Variants in ZNF709 observed in about 807,000 individuals in gnomAD.
ZNF709 encodes zinc finger protein 709.
A neutral mutation model predicts 10.6 loss-of-function variants in ZNF709; 15 were observed. The observed-to-expected ratio is 1.41, with a 90% CI of 0.95 to 2.18. The LOEUF (loss-of-function observed/expected upper bound fraction) is 2.18. Among genes scored for constraint, ZNF709 ranks in the 30% most tolerant of loss-of-function variants. The pLI is 0.00. For synonymous variants in ZNF709, 194 were observed against 238.8 expected, an observed-to-expected ratio of 0.81 and a Z score of 1.73; for missense variants, 589 against 774.0, an observed-to-expected ratio of 0.76 and a Z score of 2.84.
rs776489888 is a variant in ZNF709, at chr19:12,464,857, C to T, written c.1065G>A (p.Met355Ile). 1.9e-6 allele frequency: 3 copies of T among 1,613,850 alleles called. No homozygotes were observed. The highest frequency in any genetic ancestry group is 2.5e-6 in the Non-Finnish European group (3 of 1,179,934). The change falls in exon 4 of 4, where the codon ATG (methionine) becomes ATA (isoleucine). Residue 355 changes from methionine (M) to isoleucine (I), a missense_variant. This residue lies in a region of ZNF709 where 418 missense variants were observed against 496.3 expected (regional missense o/e 0.84). Coordinates refer to ENST00000397732, the MANE Select transcript of ZNF709 (RefSeq NM_152601.4). Reference sequence around the variant, plus strand: ...AAGGTCCATTTCCAGTGTGCATTATCATATGTCTTCGATAGCTTGGAAGAG... The same window carrying T: ...AAGGTCCATTTCCAGTGTGCATTATTATATGTCTTCGATAGCTTGGAAGAG... Reference protein sequence around the residue: ...FISLPSYRRHMIMHTGNGPYK... With the variant: ...FISLPSYRRHIIMHTGNGPYK...
intron 1 of ZNF709, among the ~76,000 whole-genome samples, chr19:12,473,589 T>G (rs1970652775): frequency 6.6e-6 from 1 of 152,196 alleles, no homozygotes; most frequent in Non-Finnish European, 1.5e-5. Flanking sequence ...ACATATTTAA[T>G]GTATACAACT....
chr19:12,472,458 G>A (rs1032752647), intron 1 of ZNF709, among the ~76,000 whole-genome samples: 21 of 142,318 alleles, frequency 1.5e-4, no homozygotes, highest in African/African-American at 5.5e-4. Flanking sequence ...GGAGGTGGAG[G>A]TTGCAGCGAG....
chr19:12,472,591 A>T (rs1180189351), intron 1 of ZNF709, among the ~76,000 whole-genome samples: 1 of 150,308 alleles, frequency 6.7e-6, no homozygotes, highest in Non-Finnish European at 1.5e-5. Context: ...ATATATATGA[A>T]AAAAGGTCTG....
chr19:12,468,114 T>TG (rs895109637), intron 1 of ZNF709, among the ~76,000 whole-genome samples: 6 of 149,446 alleles, frequency 4.0e-5, no homozygotes, highest in Non-Finnish European at 7.4e-5. Context: ...GTCCAGGAGG[T>TG]GGGGGGCGCC....
intron 1 of ZNF709, among the ~76,000 whole-genome samples, chr19:12,477,470 A>T (rs1167558176): frequency 6.6e-6 from 1 of 152,192 alleles, no homozygotes; most frequent in Non-Finnish European, 1.5e-5. Context: ...GGGTGCCATG[A>T]ACATGGGGAA....
At chr19:12,477,817 G>A (rs1006731975) in intron 1 of ZNF709, among the ~76,000 whole-genome samples, 3 of 151,688 alleles carry the variant, frequency 2.0e-5, no homozygotes, top group Admixed American at 6.6e-5. Flanking sequence ...TTCCTAACAT[G>A]TTTGTTTTGT....
chr19:12,480,544 G>A (rs573428099), intron 1 of ZNF709, among the ~76,000 whole-genome samples: 3 of 152,162 alleles, frequency 2.0e-5, no homozygotes, highest in Non-Finnish European at 2.9e-5. Flanking sequence ...TTATCCGGGC[G>A]TGGTGGCGAG....
At chr19:12,483,611 A>C (rs1970750574) in intron 1 of ZNF709, among the ~76,000 whole-genome samples, 1 of 151,496 alleles carries the variant, frequency 6.6e-6, no homozygotes, top group South Asian at 2.1e-4. Flanking sequence ...ATCTCATCTC[A>C]ACTGCAACCT....
At chr19:12,469,642 G>A (rs1029280348) in intron 1 of ZNF709, among the ~76,000 whole-genome samples, 46 of 152,120 alleles carry the variant, frequency 3.0e-4, no homozygotes, top group African/African-American at 9.2e-4. Context: ...GGTGGTGGGC[G>A]CCTGTAGACC....
At chr19:12,468,188 A>G (rs553274538) in intron 1 of ZNF709, among the ~76,000 whole-genome samples, 5 of 152,322 alleles carry the variant, frequency 3.3e-5, no homozygotes, top group Non-Finnish European at 7.4e-5. Flanking sequence ...CCCGTCTGGG[A>G]GGTGTACCCA....
At chr19:12,478,827 T>G (rs1253364501) in intron 1 of ZNF709, among the ~76,000 whole-genome samples, 1 of 152,146 alleles carries the variant, frequency 6.6e-6, no homozygotes, top group Non-Finnish European at 1.5e-5. Context: ...GCTCCCAGAC[T>G]TTTTCAGCTT....
At chr19:12,479,339 G>A (rs1970702408) in intron 1 of ZNF709, among the ~76,000 whole-genome samples, 1 of 152,088 alleles carries the variant, frequency 6.6e-6, no homozygotes, top group Admixed American at 6.6e-5. Flanking sequence ...GAGTATTTGG[G>A]GGGTGGCTAG....
rs1190458510 is a variant in ZNF709 at position 12,461,483 on chromosome 19, G to T, written c.*2513C>A. The stretch of plus-strand genomic sequence containing the variant: ...ATTCCCTGCACAGTGCAGTGGAGAA[G>T]CAGACACCCATGTAGTTCTTTTTGA... On this transcript the variant is annotated 3_prime_UTR_variant, in exon 4 of 4. Coordinates refer to ENST00000397732, the MANE Select transcript of ZNF709 (RefSeq NM_152601.4). 6.6e-6 allele frequency: 1 copy of T among 152,082 alleles called. No individual in the cohort carries two copies. Among genetic ancestry groups the T allele is most frequent in the Non-Finnish European group, 1.5e-5 (1 of 68,024 alleles). The allele number at this position is 152,082 out of a possible 1,614,324, so 9.4% of individuals were successfully genotyped here.
chr19:12,465,734 C>G lies in ZNF709; in HGVS notation c.189-1G>C. 6.7e-7 allele frequency: 1 copy of G among 1,501,796 alleles called. No individual in the cohort carries two copies. The highest frequency in any genetic ancestry group is 8.8e-7 in the Non-Finnish European group (1 of 1,131,712). The allele number at this position is 1,501,796 out of a possible 1,614,324, so 93.0% of individuals were successfully genotyped here. Reference sequence around the variant, plus strand: ...ACAGAGCCTCTCTACCATATGACTTCTGTGAGAAAAAAACAAAACAAAACG... The same window carrying G: ...ACAGAGCCTCTCTACCATATGACTTGTGTGAGAAAAAAACAAAACAAAACG... On this transcript the variant is annotated splice_acceptor_variant, in intron 3 of 3. Transcript: ENST00000397732. LOFTEE classifies it high-confidence loss of function.
intron 1 of ZNF709, among the ~76,000 whole-genome samples, chr19:12,467,189 C>T (rs904876048): frequency 1.3e-5 from 2 of 152,234 alleles, no homozygotes; most frequent in African/African-American, 2.4e-5. Context: ...TGATGCAGAG[C>T]CGAAGCTGGA....
chr19:12,467,695 G>A (rs936431098), intron 1 of ZNF709, among the ~76,000 whole-genome samples: 3 of 151,882 alleles, frequency 2.0e-5, no homozygotes, highest in Non-Finnish European at 2.9e-5. Context: ...TAGGAAGTGA[G>A]GAGCGTCTCT....
chr19:12,473,503 T>G (rs1970652008), intron 1 of ZNF709, among the ~76,000 whole-genome samples: 1 of 152,208 alleles, frequency 6.6e-6, no homozygotes, highest in Non-Finnish European at 1.5e-5. Flanking sequence ...GACTAATTAA[T>G]GACTGACCAA....
intron 1 of ZNF709, among the ~76,000 whole-genome samples, chr19:12,482,206 C>T (rs74181662): frequency 6.6e-6 from 1 of 151,774 alleles, no homozygotes; most frequent in African/African-American, 2.4e-5. Flanking sequence ...CTCTCCCTCT[C>T]TCTCTCCCTC....
intron 1 of ZNF709, among the ~76,000 whole-genome samples, chr19:12,482,614 G>C (rs1970738605): frequency 6.6e-6 from 1 of 152,114 alleles, no homozygotes; most frequent in African/African-American, 2.4e-5. Flanking sequence ...CTACACAACA[G>C]ATGCAAAACT....
Sources: gnomAD v4.1 joint callset for allele counts (sites outside exome capture counted in the v4.1 genomes callset) on GRCh38, gnomAD v4.1.1 for gene constraint, gnomAD v4.1.1 regional missense constraint, MANE v1.5 for transcripts, NCBI Gene and HGNC (gene_info 2026-07-23, HGNC 2026-07-21) for gene names.